The following ZBTB38 variants were observed in gnomAD, a reference collection of about 807,000 sequenced individuals.
The protein encoded by ZBTB38 is zinc finger and BTB domain-containing protein 38.
A neutral mutation model predicts 76.8 loss-of-function variants in ZBTB38; 20 were observed. The observed-to-expected ratio is 0.26, with a 90% CI of 0.18 to 0.38. The LOEUF (loss-of-function observed/expected upper bound fraction) is 0.38, where lower values mean the gene tolerates loss of function less well. Among genes scored for constraint, ZBTB38 ranks in the 10% least tolerant of loss-of-function variants. The probability of loss-of-function intolerance (pLI) is 1.00; values close to 1 mark genes in which losing one functional copy is unlikely to be tolerated. For synonymous variants in ZBTB38, 504 were observed against 544.2 expected (o/e 0.93, Z 1.03); for missense variants, 1,082 against 1,482.3 (o/e 0.73, Z 4.43).
chr3:141,408,649 T>A (rs1955530097), intron 5 of ZBTB38, among the ~76,000 whole-genome samples: 2 of 152,254 alleles, frequency 1.3e-5, no homozygotes, highest in South Asian at 4.1e-4. Context: ...ACATGTTTGG[T>A]GTTTAACTTA....
intron 4 of ZBTB38, among the ~76,000 whole-genome samples, chr3:141,394,017 C>CTT (rs34207738): frequency 2.1e-5 from 3 of 143,392 alleles, no homozygotes; most frequent in African/African-American, 7.9e-5. Context: ...TCTTTTCTTT[C>CTT]TTTTTTTTTT....
In ZBTB38 at chr3:141,400,221, C is replaced by T. The variant is rs1332310328; in HGVS notation, c.-105-3706C>T. 3.3e-5 allele frequency among the ~76,000 whole-genome samples: 5 copies of T among 151,926 alleles called. No homozygotes were observed. The East Asian group carries it at 5.8e-4, about 18-fold the overall frequency. ...AGGAAGGATGGAAAATTTTGAAGAACGGGTTGATTATGTAATTTTTAGACT... is the reference window on the plus strand; with the variant it reads ...AGGAAGGATGGAAAATTTTGAAGAATGGGTTGATTATGTAATTTTTAGACT... On this transcript the variant is annotated intron_variant, in intron 4 of 5. Transcript: ENST00000321464.
chr3:141,380,680 G>A (rs1472158577), intron 2 of ZBTB38, among the ~76,000 whole-genome samples: 2 of 152,130 alleles, frequency 1.3e-5, no homozygotes, highest in Non-Finnish European at 2.9e-5. Flanking sequence ...GTGGGCTTAG[G>A]TAGATAATTC....
intron 5 of ZBTB38, among the ~76,000 whole-genome samples, chr3:141,436,429 C>T (rs1165410564): frequency 1.3e-5 from 2 of 152,146 alleles, no homozygotes; most frequent in African/African-American, 2.4e-5. Flanking sequence ...CCACTTGGCA[C>T]CAGTCCTTTT....
intron 1 of ZBTB38, among the ~76,000 whole-genome samples, chr3:141,332,330 C>G (rs1182532587): frequency 6.6e-6 from 1 of 152,162 alleles, no homozygotes; most frequent in East Asian, 1.9e-4. Context: ...CACATTTCTC[C>G]TCTTGTCTGT....
intron 5 of ZBTB38, among the ~76,000 whole-genome samples, chr3:141,437,640 A>G (rs1049150558): frequency 6.6e-6 from 1 of 152,242 alleles, no homozygotes; most frequent in Non-Finnish European, 1.5e-5. Context: ...TTTGATAATT[A>G]TATGTATGTA....
intron 3 of ZBTB38, chr3:141,384,837 A>T (rs1946709671): frequency 6.6e-6 from 1 of 152,222 alleles, no homozygotes; most frequent in Non-Finnish European, 1.5e-5. Context: ...TGGGAGAGAG[A>T]TGTACTCCAA....
At chr3:141,377,514 T>G (rs1286450072) in intron 2 of ZBTB38, among the ~76,000 whole-genome samples, 1 of 152,164 alleles carries the variant, frequency 6.6e-6, no homozygotes, top group African/African-American at 2.4e-5. Context: ...GAATGTAAAA[T>G]GGTACAGCCA....
intron 1 of ZBTB38, among the ~76,000 whole-genome samples, chr3:141,331,582 G>A (rs1942854612): frequency 6.6e-6 from 1 of 152,132 alleles, no homozygotes; most frequent in African/African-American, 2.4e-5. Flanking sequence ...CAAATGAGAA[G>A]GAATTACTGT....
At chr3:141,396,727 A>T (rs999215512) in intron 4 of ZBTB38, among the ~76,000 whole-genome samples, 3 of 152,264 alleles carry the variant, frequency 2.0e-5, no homozygotes, top group African/African-American at 7.2e-5. Context: ...GTTAGCAGGC[A>T]TGAAAACAAC....
intron 1 of ZBTB38, among the ~76,000 whole-genome samples, chr3:141,329,350 A>T (rs1942776261): frequency 6.6e-6 from 1 of 152,138 alleles, no homozygotes; most frequent in African/African-American, 2.4e-5. Flanking sequence ...AATAACTTCG[A>T]TACATCACTC....
At chr3:141,398,130 A>G (rs1950777089) in intron 4 of ZBTB38, among the ~76,000 whole-genome samples, 2 of 152,250 alleles carry the variant, frequency 1.3e-5, no homozygotes, top group South Asian at 2.1e-4. Context: ...TGTAGGCCAC[A>G]CAAAAACAGG....
At chr3:141,337,957 G>A (rs142247330) in intron 1 of ZBTB38, among the ~76,000 whole-genome samples, 91 of 152,258 alleles carry the variant, frequency 6.0e-4, no homozygotes, top group Middle Eastern at 3.4e-3. Context: ...TTCATTGAAT[G>A]TCTATCATGT....
chr3:141,324,971 T>C (rs1412916995), intron 1 of ZBTB38, among the ~76,000 whole-genome samples: 1 of 152,236 alleles, frequency 6.6e-6, no homozygotes, highest in African/African-American at 2.4e-5. Flanking sequence ...AGTGATCATA[T>C]ATTAAGATAA....
chr3:141,330,591 T>C (rs1942818092), intron 1 of ZBTB38, among the ~76,000 whole-genome samples: 1 of 152,230 alleles, frequency 6.6e-6, no homozygotes, highest in Admixed American at 6.5e-5. Context: ...ACTCAGACTC[T>C]TTATGCTTCT....
chr3:141,358,649 C>A (rs1265493578), intron 1 of ZBTB38, among the ~76,000 whole-genome samples: 1 of 152,020 alleles, frequency 6.6e-6, no homozygotes, highest in Non-Finnish European at 1.5e-5. Context: ...CAAATGCAAC[C>A]ATCAACATAG....
At chr3:141,340,673 G>A (rs13063736) in intron 1 of ZBTB38, among the ~76,000 whole-genome samples, 40,235 of 151,746 alleles carry the variant, frequency 0.27, 5,874 homozygotes, top group Non-Finnish European at 0.32. Context: ...CGAGGCAGGC[G>A]GATCACGAGG....
At chr3:141,435,976 A>G (rs2078690387) in intron 5 of ZBTB38, among the ~76,000 whole-genome samples, 1 of 152,186 alleles carries the variant, frequency 6.6e-6, no homozygotes, top group South Asian at 2.1e-4. Context: ...TTTATTGCAC[A>G]AAACTTGCTT....
rs1957245885 is a variant in ZBTB38, at chr3:141,413,183, T to A, written c.-1+9152T>A. 6.6e-6 allele frequency among the ~76,000 whole-genome samples: 1 copy of A among 152,220 alleles called. No homozygotes were observed. The highest frequency in any genetic ancestry group is 1.5e-5 in the Non-Finnish European group (1 of 68,036). ...AGGGCCCAGGCCCATACAGATGATC[T>A]CTGTACGCTGGTATTTTGCGCCTGG... On this transcript the variant is annotated intron_variant, in intron 5 of 5. Coordinates refer to ENST00000321464, the MANE Select transcript of ZBTB38 (RefSeq NM_001376113.1). This position sits in a 1 kb window ranked among gnomAD's most constrained non-coding sequence, Gnocchi z 4.1.
Sources: gnomAD v4.1 joint callset for allele counts (sites outside exome capture counted in the v4.1 genomes callset) on GRCh38, gnomAD v4.1.1 for gene constraint, Gnocchi (gnomAD v3.1) non-coding constraint, MANE v1.5 for transcripts, NCBI Gene and HGNC (gene_info 2026-07-23, HGNC 2026-07-21) for gene names.